Variants in PELI2 observed in about 807,000 individuals in gnomAD.
PELI2 encodes E3 ubiquitin-protein ligase pellino homolog 2.
A neutral mutation model predicts 42.3 loss-of-function variants in PELI2; 23 were observed. The observed-to-expected ratio is 0.54, with a 90% CI of 0.39 to 0.77. The LOEUF is 0.77. PELI2 is among the 30% of genes least tolerant of loss of function. The probability of loss-of-function intolerance (pLI) is 0.00; values close to 1 mark genes in which losing one functional copy is unlikely to be tolerated. For synonymous variants in PELI2, 245 were observed against 212.2 expected (o/e 1.15, Z -1.34); for missense variants, 463 against 553.2 (o/e 0.84, Z 1.64).
chr14:56,129,542 T>C (rs1001675289), intron 1 of PELI2, among the ~76,000 whole-genome samples: 1 of 152,196 alleles, frequency 6.6e-6, no homozygotes, highest in Non-Finnish European at 1.5e-5. Context: ...TTGCTTTCCC[T>C]GGAGGCCCAA....
At chr14:56,291,566 G>A (rs1201414469) in intron 5 of PELI2, among the ~76,000 whole-genome samples, 1 of 152,150 alleles carries the variant, frequency 6.6e-6, no homozygotes, top group African/African-American at 2.4e-5. Context: ...TCAAGAAATT[G>A]TAAACAAAGG....
At chr14:56,201,159 A>G (rs1886317738) in intron 2 of PELI2, among the ~76,000 whole-genome samples, 1 of 152,212 alleles carries the variant, frequency 6.6e-6, no homozygotes, top group African/African-American at 2.4e-5. Flanking sequence ...TTAGGGAGAA[A>G]CCTGTAAAAT....
At chr14:56,171,680 G>T (rs1406829044) in intron 1 of PELI2, among the ~76,000 whole-genome samples, 1 of 152,124 alleles carries the variant, frequency 6.6e-6, no homozygotes, top group Non-Finnish European at 1.5e-5. Context: ...GGAAGATTTG[G>T]TGATAGTTTT....
chr14:56,149,099 T>G (rs184699914), intron 1 of PELI2, among the ~76,000 whole-genome samples: 1 of 152,194 alleles, frequency 6.6e-6, no homozygotes, highest in Non-Finnish European at 1.5e-5. Context: ...TAGAATGACA[T>G]TTTACCCAAA....
intron 3 of PELI2, among the ~76,000 whole-genome samples, chr14:56,286,167 A>G (rs1181030070): frequency 2.6e-5 from 4 of 152,220 alleles, no homozygotes; most frequent in Non-Finnish European, 4.4e-5. Context: ...ATGATCCAGT[A>G]TAAAAGGAGA....
Position 56,288,778 on chromosome 14 carries a change from A to G in PELI2, c.507+144A>G. The G allele has an allele frequency of 1.6e-6, 1 of 616,598 alleles. No individual in the cohort carries two copies. The highest frequency in any genetic ancestry group is 2.9e-6 in the Non-Finnish European group (1 of 347,634). The allele number at this position is 616,598 out of a possible 1,614,324, so 38.2% of individuals were successfully genotyped here. A position where few individuals can be genotyped will look rare whatever the true frequency, so the allele number is the denominator to read the frequency against. On this transcript the variant is annotated intron_variant, in intron 4 of 5. Transcript: ENST00000267460. This position sits in a 1 kb window ranked among gnomAD's most constrained non-coding sequence, Gnocchi z 4.6. ...TTTTAGTTTTCAGGTGGCCAGTTTG[A>G]GAAACTTGTTATTAAAAATCTGAAC...
chr14:56,285,027 G>C (rs911994051), intron 3 of PELI2, among the ~76,000 whole-genome samples: 6 of 152,220 alleles, frequency 3.9e-5, no homozygotes, highest in African/African-American at 1.4e-4. Context: ...TTTATTCTAG[G>C]AATTTTGGGA....
Position 56,197,612 on chromosome 14 carries a change from G to A in PELI2, c.207+19148G>A, listed in dbSNP as rs549606265. 2.0e-5 allele frequency among the ~76,000 whole-genome samples: 3 copies of A among 152,182 alleles called. No individual in the cohort carries two copies. Among genetic ancestry groups the A allele is most frequent in the Non-Finnish European group, 4.4e-5 (3 of 68,028 alleles). ...TGAAGTGGCTTAGACTAGTGTAATGGTTAATTGTATGTGTTAACTTGGCTG... is the reference window on the plus strand; with the variant it reads ...TGAAGTGGCTTAGACTAGTGTAATGATTAATTGTATGTGTTAACTTGGCTG... On this transcript the variant is annotated intron_variant, in intron 2 of 5. Coordinates refer to ENST00000267460, the MANE Select transcript of PELI2 (RefSeq NM_021255.3). This position sits in a 1 kb window ranked among gnomAD's most constrained non-coding sequence, Gnocchi z 4.9.
intron 1 of PELI2, among the ~76,000 whole-genome samples, chr14:56,139,323 C>T (rs906562254): frequency 4.6e-5 from 7 of 151,990 alleles, no homozygotes; most frequent in African/African-American, 1.7e-4. Flanking sequence ...TTTCTTTGTG[C>T]TTGGTAGTTC....
At chr14:56,242,855 AAG>A (rs1355638726) in intron 2 of PELI2, among the ~76,000 whole-genome samples, 2 of 152,068 alleles carry the variant, frequency 1.3e-5, no homozygotes, top group East Asian at 3.9e-4. Flanking sequence ...TTCAGGGGGG[AAG>A]AGAGAAAGGG....
At chr14:56,173,692 C>T (rs1885263257) in intron 1 of PELI2, among the ~76,000 whole-genome samples, 1 of 152,164 alleles carries the variant, frequency 6.6e-6, no homozygotes, top group Non-Finnish European at 1.5e-5. Flanking sequence ...TCCAAATGTT[C>T]CTTGGCTTGT....
chr14:56,181,007 G>A (rs933516827), intron 2 of PELI2, among the ~76,000 whole-genome samples: 1 of 152,034 alleles, frequency 6.6e-6, no homozygotes, highest in African/African-American at 2.4e-5. Context: ...ACCTACCCCC[G>A]AGTCTCTTTC....
At chr14:56,141,859 A>G (rs568916108) in intron 1 of PELI2, among the ~76,000 whole-genome samples, 4 of 152,172 alleles carry the variant, frequency 2.6e-5, no homozygotes, top group Admixed American at 6.5e-5. Flanking sequence ...ATCAGACCCT[A>G]TTCCTGGATT....
intron 1 of PELI2, among the ~76,000 whole-genome samples, chr14:56,162,081 A>G (rs1884785685): frequency 6.6e-6 from 1 of 152,246 alleles, no homozygotes; most frequent in Admixed American, 6.5e-5. Flanking sequence ...ATTATGGAGA[A>G]CAGGGTATCC....
chr14:56,163,475 C>T (rs1884840187), intron 1 of PELI2, among the ~76,000 whole-genome samples: 1 of 151,836 alleles, frequency 6.6e-6, no homozygotes, highest in Admixed American at 6.6e-5. Flanking sequence ...GGTTATTGTA[C>T]CTCTGTAGTG....
At chr14:56,135,789 G>C (rs1883667515) in intron 1 of PELI2, among the ~76,000 whole-genome samples, 1 of 152,190 alleles carries the variant, frequency 6.6e-6, no homozygotes. Flanking sequence ...TAACAACCTT[G>C]GCTTTATGTA....
At position 56,180,274 on chromosome 14, in the gene PELI2, A is replaced by T. The variant is rs1885531407; in HGVS notation, c.207+1810A>T. 6.6e-6 allele frequency among the ~76,000 whole-genome samples: 1 copy of T among 152,202 alleles called. No homozygotes were observed. Among genetic ancestry groups the T allele is most frequent in the Non-Finnish European group, 1.5e-5 (1 of 68,042 alleles). On this transcript the variant is annotated intron_variant, in intron 2 of 5. Coordinates refer to ENST00000267460, the MANE Select transcript of PELI2 (RefSeq NM_021255.3). This position sits in a 1 kb window ranked among gnomAD's most constrained non-coding sequence, Gnocchi z 4.4. ...ACTGAGTAAATTGGCTTCAAGCAGG[A>T]GCTCTGTTGAATTAGAAAATATACT...
intron 1 of PELI2, among the ~76,000 whole-genome samples, chr14:56,130,514 C>T (rs770559937): frequency 6.6e-6 from 1 of 151,988 alleles, no homozygotes; most frequent in South Asian, 2.1e-4. Flanking sequence ...AAACTTCACT[C>T]ATTCAAAGAA....
At chr14:56,258,634 A>G (rs1041702072) in intron 2 of PELI2, among the ~76,000 whole-genome samples, 4 of 152,116 alleles carry the variant, frequency 2.6e-5, no homozygotes, top group Non-Finnish European at 4.4e-5. Context: ...GAAGAAGAAA[A>G]GATCAGTGAA....
Sources: gnomAD v4.1 joint callset for allele counts (sites outside exome capture counted in the v4.1 genomes callset) on GRCh38, gnomAD v4.1.1 for gene constraint, Gnocchi (gnomAD v3.1) non-coding constraint, MANE v1.5 for transcripts, NCBI Gene and HGNC (gene_info 2026-07-23, HGNC 2026-07-21) for gene names.